AP3B1: variants seen among roughly 807,000 people sequenced by gnomAD.
AP3B1 encodes AP-3 complex subunit beta-1.
Under a neutral mutation model 132.5 loss-of-function variants are expected in AP3B1, and 61 were observed. The ratio of observed to expected loss-of-function variants is 0.46; its 90% confidence interval spans 0.37 to 0.57. AP3B1 has a LOEUF of 0.57. Ranked by LOEUF, AP3B1 falls within the 20% of genes least tolerant of loss-of-function variation. AP3B1 has a pLI of 0.00. For synonymous variants in AP3B1, 388 were observed against 438.3 expected (o/e 0.89, Z 1.43); for missense variants, 1,120 against 1,289.4 (o/e 0.87, Z 2.01).
intron 14 of AP3B1, among the ~76,000 whole-genome samples, chr5:78,154,323 G>GT (rs1330932172): frequency 5.3e-5 from 8 of 152,072 alleles, no homozygotes; most frequent in Non-Finnish European, 1.2e-4. Context: ...GCTGCCACAG[G>GT]TATCAGACTT....
chr5:78,242,015 C>T (rs1747159332), intron 2 of AP3B1, among the ~76,000 whole-genome samples: 2 of 152,222 alleles, frequency 1.3e-5, no homozygotes, highest in Admixed American at 6.5e-5. Context: ...TATCACCTCA[C>T]AGAGAACTTT....
chr5:78,073,503 C>A (rs1332722294), intron 22 of AP3B1, among the ~76,000 whole-genome samples: 1 of 152,128 alleles, frequency 6.6e-6, no homozygotes, highest in Non-Finnish European at 1.5e-5. Context: ...AATTCATAGT[C>A]ACACAAAATT....
At chr5:78,269,105 A>G (rs1201936493) in intron 1 of AP3B1, among the ~76,000 whole-genome samples, 8 of 152,234 alleles carry the variant, frequency 5.3e-5, no homozygotes, top group Non-Finnish European at 1.2e-4. Context: ...ATCAGTTAAC[A>G]TGTATTACTG....
At chr5:78,196,331 C>T (rs1481240721) in intron 7 of AP3B1, among the ~76,000 whole-genome samples, 1 of 152,180 alleles carries the variant, frequency 6.6e-6, no homozygotes, top group Non-Finnish European at 1.5e-5. Context: ...TACTATAACA[C>T]ATTTATTAGA....
At chr5:78,095,647 G>A (rs532185092) in intron 21 of AP3B1, among the ~76,000 whole-genome samples, 2 of 152,118 alleles carry the variant, frequency 1.3e-5, no homozygotes, top group African/African-American at 4.8e-5. Context: ...ATTTTCTCTC[G>A]TATGCAATAG....
At chr5:78,129,018 A>C (rs1195841892) in intron 16 of AP3B1, 103 bp downstream of exon 16, 1 of 985,942 alleles carries the variant, frequency 1.0e-6, no homozygotes, top group Non-Finnish European at 1.5e-6. Context: ...TATGCGAATC[A>C]TTTATATTTC....
rs1434777286 is a variant in AP3B1 at position 78,240,879 on chromosome 5, C to G, written c.262G>C (p.Ala88Pro). Residue 88 changes from alanine to proline, a missense_variant, in exon 3 of 27, where the codon GCC becomes CCC. Transcript: ENST00000255194. ...AACAGTACCTCAATATTTTTACTGG[C>G]CACATTCTTCACAACAGCAGGAAAC... ...ELFPAVVKNV[A>P]SKNIEIKKLV... The G allele has an allele frequency of 1.2e-6, 2 of 1,612,636 alleles. No individual in the cohort carries two copies. Among genetic ancestry groups the G allele is most frequent in the Non-Finnish European group, 1.7e-6 (2 of 1,178,878 alleles).
chr5:78,038,353 T>C (rs942294874), intron 23 of AP3B1, among the ~76,000 whole-genome samples: 1 of 152,186 alleles, frequency 6.6e-6, no homozygotes, highest in Non-Finnish European at 1.5e-5. Context: ...CTAGTCTACA[T>C]CGGGGGTGTG....
chr5:78,075,188 G>T (rs1422395823), intron 22 of AP3B1, among the ~76,000 whole-genome samples: 1 of 152,102 alleles, frequency 6.6e-6, no homozygotes, highest in Non-Finnish European at 1.5e-5. Flanking sequence ...CTGGTAGGGG[G>T]GTGGTTGGGG....
intron 7 of AP3B1, among the ~76,000 whole-genome samples, chr5:78,206,899 A>G (rs1483356408): frequency 6.6e-6 from 1 of 152,194 alleles, no homozygotes; most frequent in Non-Finnish European, 1.5e-5. Flanking sequence ...AGGCAGGAGG[A>G]TCACATGAGC....
chr5:78,170,681 T>G (rs1264782966), intron 11 of AP3B1, among the ~76,000 whole-genome samples: 1 of 152,200 alleles, frequency 6.6e-6, no homozygotes, highest in African/African-American at 2.4e-5. Context: ...ATTCTGTAGG[T>G]GGCCTGTTCA....
chr5:78,113,731 A>C (rs1355952714), intron 19 of AP3B1, 21 bp downstream of exon 19: 25 of 1,612,414 alleles, frequency 1.6e-5, no homozygotes, highest in Non-Finnish European at 2.1e-5. Flanking sequence ...TTTTGAAGGA[A>C]ATTCTGACAA....
At chr5:78,037,138 T>C (rs891556573) in intron 23 of AP3B1, among the ~76,000 whole-genome samples, 3 of 152,186 alleles carry the variant, frequency 2.0e-5, no homozygotes, top group African/African-American at 7.2e-5. Context: ...AAATTTATTA[T>C]ATTTATTTCT....
chr5:78,037,823 T>C (rs1747867637), intron 23 of AP3B1, among the ~76,000 whole-genome samples: 1 of 152,234 alleles, frequency 6.6e-6, no homozygotes, highest in Non-Finnish European at 1.5e-5. Context: ...TTTATTACTT[T>C]TAATTGAGGT....
chr5:78,204,721 A>G (rs1333060942), intron 7 of AP3B1, among the ~76,000 whole-genome samples: 2 of 152,200 alleles, frequency 1.3e-5, no homozygotes, highest in African/African-American at 4.8e-5. Context: ...GCAGGTCAAA[A>G]CAAATAATCA....
chr5:78,260,861 T>C (rs2112552190), intron 2 of AP3B1, among the ~76,000 whole-genome samples: 1 of 109,678 alleles, frequency 9.1e-6, no homozygotes, highest in South Asian at 2.6e-4. Flanking sequence ...AATCATACAA[T>C]TTTTTGTGTG....
At chr5:78,083,964 A>G (rs1750123621) in intron 22 of AP3B1, among the ~76,000 whole-genome samples, 1 of 152,324 alleles carries the variant, frequency 6.6e-6, no homozygotes, top group South Asian at 2.1e-4. Context: ...TAAAAATTAT[A>G]GATGGACTAG....
At chr5:78,120,769 C>G (rs985948646) in intron 17 of AP3B1, among the ~76,000 whole-genome samples, 1 of 152,168 alleles carries the variant, frequency 6.6e-6, no homozygotes, top group South Asian at 2.1e-4. Context: ...CTACTGTCAA[C>G]ATTAAACAGA....
intron 2 of AP3B1, among the ~76,000 whole-genome samples, chr5:78,252,549 C>T: frequency 6.6e-6 from 1 of 152,146 alleles, no homozygotes; most frequent in East Asian, 1.9e-4. Context: ...CTTAAGAGAC[C>T]TTGGGCGTTA....
Sources: gnomAD v4.1 joint callset for allele counts (sites outside exome capture counted in the v4.1 genomes callset) on GRCh38, gnomAD v4.1.1 for gene constraint, MANE v1.5 for transcripts, NCBI Gene and HGNC (gene_info 2026-07-23, HGNC 2026-07-21) for gene names.